The following MEIS1 variants were observed in gnomAD, a reference collection of about 807,000 sequenced individuals.
The protein encoded by MEIS1 is Meis homeobox 1.
Under a neutral mutation model 50.8 loss-of-function variants are expected in MEIS1, and 5 were observed. That is an observed-to-expected ratio of 0.10 (90% CI 0.05 to 0.21). MEIS1 has a LOEUF of 0.21. Ranked by LOEUF, MEIS1 falls within the 10% of genes least tolerant of loss-of-function variation. The pLI, the probability that MEIS1 is intolerant of heterozygous loss-of-function variation, is 1.00. For synonymous variants in MEIS1, 176 were observed against 179.3 expected (o/e 0.98, Z 0.15); for missense variants, 318 against 517.3 (o/e 0.61, Z 3.74).
At chr2:66,517,489 A>G (rs1673998954) in intron 8 of MEIS1, among the ~76,000 whole-genome samples, 1 of 152,144 alleles carries the variant, frequency 6.6e-6, no homozygotes, top group Admixed American at 6.5e-5. Context: ...GAATATTTTC[A>G]TAGTTTTTAC....
chr2:66,494,582 T>G (rs1054535624), intron 7 of MEIS1, among the ~76,000 whole-genome samples: 5 of 152,224 alleles, frequency 3.3e-5, no homozygotes, highest in African/African-American at 1.2e-4. Context: ...ACAGGCCGTG[T>G]AAAGGTGGTG....
At chr2:66,440,636 TCCCCCG>T in intron 4 of MEIS1, 24 bp downstream of exon 4, 1 of 1,290,374 alleles carries the variant, frequency 7.7e-7, no homozygotes, top group African/African-American at 1.7e-5. Flanking sequence ...CCTATTTCCC[TCCCCCG>T]CCCCCGACCC....
chr2:66,493,305 A>G (rs989252668), intron 7 of MEIS1, among the ~76,000 whole-genome samples: 5 of 152,124 alleles, frequency 3.3e-5, no homozygotes, highest in African/African-American at 1.2e-4. Flanking sequence ...TATAGTTAAC[A>G]TTTGGATAAG....
At position 66,557,694 on chromosome 2, in the gene MEIS1, G is replaced by A. The variant is rs1343783087; in HGVS notation, c.965+9675G>A. Among the ~76,000 whole-genome samples, 3 of 152,254 alleles carry A rather than the reference G, an allele frequency of 2.0e-5. 1 individual carries two copies. In the East Asian group the frequency reaches 5.8e-4, roughly 29 times the overall value. ...TTTTTACCTATTTATCAGTGGATGG[G>A]CATTTGATATTCATCTCTTACCATT... On this transcript the variant is annotated intron_variant, in intron 9 of 12. Transcript: ENST00000272369.
intron 9 of MEIS1, among the ~76,000 whole-genome samples, chr2:66,548,656 T>G (rs1000942627): frequency 1.3e-5 from 2 of 152,190 alleles, no homozygotes; most frequent in Non-Finnish European, 2.9e-5. Context: ...TGTACAGCAG[T>G]GTGGCAATGA....
intron 7 of MEIS1, 111 bp downstream of exon 7, chr2:66,464,331 C>A: frequency 1.2e-6 from 1 of 837,834 alleles, no homozygotes; most frequent in Non-Finnish European, 2.0e-6. Context: ...GATAAACCCC[C>A]TTTAACTTGA....
At chr2:66,520,348 G>T (rs62144054) in intron 8 of MEIS1, among the ~76,000 whole-genome samples, 12 of 150,954 alleles carry the variant, frequency 7.9e-5, no homozygotes, top group Admixed American at 2.7e-4. Flanking sequence ...GGGCTTGGTG[G>T]TAGGCACCTA....
rs185348232 is a variant in MEIS1 at position 66,536,798 on chromosome 2, G to A, written c.889-11145G>A. 3.9e-5 allele frequency among the ~76,000 whole-genome samples: 6 copies of A among 152,238 alleles called. No individual in the cohort carries two copies. The East Asian group carries it at 1.2e-3, about 29-fold the overall frequency. On this transcript the variant is annotated intron_variant, in intron 8 of 12. Transcript: ENST00000272369. ...ATAATGCATAAAAAGTGGGCATTTT[G>A]TTTTCAAGCTGGTATCTTTGGGATG...
At chr2:66,547,789 A>G (rs1572895669) in intron 8 of MEIS1, among the ~76,000 whole-genome samples, 154 bp from the exon 9 acceptor site, 1 of 152,222 alleles carries the variant, frequency 6.6e-6, no homozygotes, top group Admixed American at 6.5e-5. Context: ...CTTGTCTTTT[A>G]CTGCCATTAA....
intron 8 of MEIS1, among the ~76,000 whole-genome samples, chr2:66,539,080 G>A (rs1674587316): frequency 1.3e-5 from 2 of 152,194 alleles, no homozygotes; most frequent in South Asian, 4.2e-4. Context: ...GTAGAGACAG[G>A]GTTTCACTGT....
At chr2:66,460,896 G>A (rs1672502528) in intron 6 of MEIS1, among the ~76,000 whole-genome samples, 2 of 152,208 alleles carry the variant, frequency 1.3e-5, no homozygotes, top group Admixed American at 1.3e-4. Flanking sequence ...AAATATGCAA[G>A]TATCCACATA....
intron 8 of MEIS1, among the ~76,000 whole-genome samples, chr2:66,539,711 A>G (rs563662416): frequency 6.6e-6 from 1 of 152,230 alleles, no homozygotes; most frequent in Non-Finnish European, 1.5e-5. Flanking sequence ...TACAATGACT[A>G]CTTCTTCCAC....
At chr2:66,443,095 T>C in intron 6 of MEIS1, 47 bp downstream of exon 6, 2 of 1,548,384 alleles carry the variant, frequency 1.3e-6, no homozygotes, top group Non-Finnish European at 1.7e-6. Flanking sequence ...AAAAAATCTG[T>C]ATGCATATTG....
intron 7 of MEIS1, among the ~76,000 whole-genome samples, chr2:66,501,087 C>T (rs1023600954): frequency 6.6e-6 from 1 of 151,918 alleles, no homozygotes; most frequent in African/African-American, 2.4e-5. Context: ...TATGACCATT[C>T]ATTAATAGAG....
chr2:66,528,706 C>T (rs1182938597), intron 8 of MEIS1, among the ~76,000 whole-genome samples: 1 of 152,208 alleles, frequency 6.6e-6, no homozygotes, highest in African/African-American at 2.4e-5. Context: ...GCCTTCCTGC[C>T]TCTAACATTG....
chr2:66,521,361 T>TA (rs1674116086), intron 8 of MEIS1, among the ~76,000 whole-genome samples: 1 of 23,206 alleles, frequency 4.3e-5, no homozygotes, highest in South Asian at 3.6e-3. Context: ...TCCTTGAAGA[T>TA]TTTTTTTTTT....
chr2:66,523,142 A>G (rs772459272), intron 8 of MEIS1, among the ~76,000 whole-genome samples: 3 of 152,252 alleles, frequency 2.0e-5, no homozygotes, highest in Non-Finnish European at 4.4e-5. Context: ...ACGAGGGGAA[A>G]GAATGTCTGC....
At chr2:66,553,382 CT>C (rs1379284585) in intron 9 of MEIS1, among the ~76,000 whole-genome samples, 1 of 152,196 alleles carries the variant, frequency 6.6e-6, no homozygotes, top group Non-Finnish European at 1.5e-5. Flanking sequence ...AATTGCTATG[CT>C]TTTCACCTTG....
At chr2:66,445,739 C>T (rs1672117053) in intron 6 of MEIS1, among the ~76,000 whole-genome samples, 1 of 152,216 alleles carries the variant, frequency 6.6e-6, no homozygotes, top group Non-Finnish European at 1.5e-5. Flanking sequence ...GACTTTGATA[C>T]TAGGCGGTAT....
Sources: allele counts gnomAD v4.1 joint callset (sites outside exome capture counted in the v4.1 genomes callset), GRCh38; gene constraint gnomAD v4.1.1; transcripts MANE v1.5; gene names NCBI Gene and HGNC (gene_info 2026-07-23, HGNC 2026-07-21).